TMEM47: variants seen among roughly 807,000 people sequenced by gnomAD.
The protein encoded by TMEM47 is transmembrane protein 47.
A neutral mutation model predicts 12.4 loss-of-function variants in TMEM47; 3 were observed. The observed-to-expected ratio is 0.24, with a 90% CI of 0.11 to 0.63. The LOEUF (loss-of-function observed/expected upper bound fraction) is 0.63. TMEM47 is among the 20% of genes least tolerant of loss of function. TMEM47 has a pLI of 0.86. For synonymous variants in TMEM47, 62 were observed against 63.3 expected, an observed-to-expected ratio of 0.98 and a Z score of 0.10; for missense variants, 89 against 143.8, an observed-to-expected ratio of 0.62 and a Z score of 1.95.
At chrX:34,632,990 C>A (rs16991443) in intron 2 of TMEM47, among the ~76,000 whole-genome samples, 2,375 of 110,323 alleles carry the variant, frequency 0.022, 49 homozygotes, top group African/African-American at 0.069. Flanking sequence ...GGTTTCTATA[C>A]TCTGTTCACT....
At chrX:34,650,100 GGTTAAAATGTAAATTT>G (rs1304123915) in intron 1 of TMEM47, among the ~76,000 whole-genome samples, 1 of 112,018 alleles carries the variant, frequency 8.9e-6, no homozygotes, top group Non-Finnish European at 1.9e-5. Context: ...CACTAGTCAT[GGTTAAAATGTAAATTT>G]GATGGTAATA....
chrX:34,642,054 A>G (rs1304341514), intron 1 of TMEM47, among the ~76,000 whole-genome samples: 1 of 111,641 alleles, frequency 9.0e-6, no homozygotes, highest in South Asian at 3.8e-4. Flanking sequence ...ACTGGGTTTC[A>G]CCATGTTGGC....
At position 34,635,308 on chromosome X, in the gene TMEM47, G is replaced by A. The variant is rs149536447; in HGVS notation, c.367+3939C>T. ...CTCCAGCTGCTTCGAGTGACAACTG[G>A]CTTGATAATGTAACCTTTTAATGGC... On this transcript the variant is annotated intron_variant, in intron 2 of 2. Transcript: ENST00000275954. Among the ~76,000 whole-genome samples the A allele has an allele frequency of 8.1e-3, 912 of 111,953 alleles. 7 individuals carry two copies. Among genetic ancestry groups the A allele is most frequent in the African/African-American group, 0.028 (858 of 30,829 alleles).
rs1433284571 is a variant in TMEM47, at chrX:34,628,878, A to C, written c.*1435T>G. The C allele has an allele frequency of 2.7e-5, 3 of 111,959 alleles. No individual in the cohort carries two copies. The allele number at this position is 111,959 out of a possible 1,213,427, so 9.2% of individuals were successfully genotyped here. On this transcript the variant is annotated 3_prime_UTR_variant, in exon 3 of 3. Coordinates refer to ENST00000275954, the MANE Select transcript of TMEM47 (RefSeq NM_031442.4). ...TTGTATATTAAACAGAATTAACACA[A>C]GTTTGCAGCATGAGATTAGTTGCAA...
chrX:34,629,466 A>C lies in TMEM47; in HGVS notation c.*847T>G, dbSNP rs1888914208. ...AAATGTATGTGGAGGGTTAGGGAACAACTTATTACCATTTATACTAATGGT... is the reference window on the plus strand; with the variant it reads ...AAATGTATGTGGAGGGTTAGGGAACCACTTATTACCATTTATACTAATGGT... On this transcript the variant is annotated 3_prime_UTR_variant, in exon 3 of 3. Coordinates refer to ENST00000275954, the MANE Select transcript of TMEM47 (RefSeq NM_031442.4). 8.9e-6 allele frequency: 1 copy of C among 111,826 alleles called. No individual in the cohort carries two copies. The highest frequency in any genetic ancestry group is 1.9e-5 in the Non-Finnish European group (1 of 53,195). The allele number at this position is 111,826 out of a possible 1,213,427, so 9.2% of individuals were successfully genotyped here.
intron 1 of TMEM47, among the ~76,000 whole-genome samples, chrX:34,646,991 C>T (rs893678979): frequency 9.0e-6 from 1 of 111,473 alleles, no homozygotes; most frequent in African/African-American, 3.3e-5. Context: ...CTACCTTCCA[C>T]GATGCCTGGA....
At chrX:34,645,313 T>A (rs1351650422) in intron 1 of TMEM47, among the ~76,000 whole-genome samples, 1 of 111,937 alleles carries the variant, frequency 8.9e-6, no homozygotes, top group African/African-American at 3.2e-5. Context: ...CCCAACTAGC[T>A]CACTTTGTCA....
intron 1 of TMEM47, among the ~76,000 whole-genome samples, chrX:34,647,712 T>C (rs1372097845): frequency 8.9e-6 from 1 of 112,200 alleles, no homozygotes; most frequent in Admixed American, 9.5e-5. Context: ...GTGCCTTTAA[T>C]GTGTGAGGTT....
At chrX:34,647,044 C>T (rs940538385) in intron 1 of TMEM47, among the ~76,000 whole-genome samples, 2 of 111,334 alleles carry the variant, frequency 1.8e-5, no homozygotes, top group Non-Finnish European at 3.8e-5. Context: ...TAATGTCTAC[C>T]CTCTGCTAGA....
chrX:34,636,474 A>G (rs1206093862), intron 2 of TMEM47, among the ~76,000 whole-genome samples: 2 of 111,935 alleles, frequency 1.8e-5, no homozygotes, highest in African/African-American at 6.5e-5. Context: ...GAAAGAAAAC[A>G]CTCATCCTAT....
chrX:34,657,093 G>A lies in TMEM47; in HGVS notation c.-64C>T. ...GACGCCAGGCGGGTCCGGAGAGCCGGGAGCCGGACCTCCCGAAGGGAGAAG... is the reference window on the plus strand; with the variant it reads ...GACGCCAGGCGGGTCCGGAGAGCCGAGAGCCGGACCTCCCGAAGGGAGAAG... On this transcript the variant is annotated 5_prime_UTR_variant, in exon 1 of 3. Coordinates refer to ENST00000275954, the MANE Select transcript of TMEM47 (RefSeq NM_031442.4). The A allele has an allele frequency of 9.2e-7, 1 of 1,081,775 alleles. No individual in the cohort carries two copies. Among genetic ancestry groups the A allele is most frequent in the Non-Finnish European group, 1.2e-6 (1 of 835,358 alleles). The allele number at this position is 1,081,775 out of a possible 1,213,427, so 89.2% of individuals were successfully genotyped here.
At chrX:34,648,876 C>T (rs1031552151) in intron 1 of TMEM47, among the ~76,000 whole-genome samples, 9 of 111,488 alleles carry the variant, frequency 8.1e-5, no homozygotes, top group African/African-American at 2.6e-4. Context: ...CCATTAAGAA[C>T]GGGCAAATGA....
chrX:34,639,278 A>G lies in TMEM47; in HGVS notation c.336T>C (p.Tyr112=). ...CAAAAAGCATGACCGCAACAGGTCTATAGAAACGCCTTCGAGATCCCACGC... is the reference window on the plus strand; with the variant it reads ...CAAAAAGCATGACCGCAACAGGTCTGTAGAAACGCCTTCGAGATCCCACGC... ...SICVGSRRRF[Y]RPVAVMLFAA... The change falls in exon 2 of 3, where the codon TAT becomes TAC. Residue 112 remains tyrosine, a synonymous_variant. Transcript: ENST00000275954. 6 of 1,200,136 alleles carry G rather than the reference A, an allele frequency of 5.0e-6. No individual in the cohort carries two copies. Among genetic ancestry groups the G allele is most frequent in the Non-Finnish European group, 6.7e-6 (6 of 889,291 alleles).
rs1468710583 is a variant in TMEM47, at chrX:34,657,176, G to C, written c.-147C>G. 1.1e-6 allele frequency: 1 copy of C among 934,587 alleles called. No homozygotes were observed. The highest frequency in any genetic ancestry group is 1.3e-6 in the Non-Finnish European group (1 of 742,052). The allele number at this position is 934,587 out of a possible 1,213,427, so 77.0% of individuals were successfully genotyped here. ...CTCGGGGCTCTGCGCGCCCCCTGCC[G>C]CGCGGCCAAGGTGGGTCTGCGGAGG... On this transcript the variant is annotated 5_prime_UTR_variant, in exon 1 of 3. Transcript: ENST00000275954.
intron 1 of TMEM47, among the ~76,000 whole-genome samples, chrX:34,647,353 G>T (rs1218102702): frequency 9.0e-6 from 1 of 111,315 alleles, no homozygotes; most frequent in Admixed American, 9.6e-5. Context: ...TTTTAACATG[G>T]TTTTGCCTAA....
Position 34,627,768 on chromosome X carries a change from G to T in TMEM47, c.*2545C>A, listed in dbSNP as rs1921534790. ...GTTTGTGGCTAAAAATTATGCTTAA[G>T]AACACATCTAACAAACCTAAAGCTG... On this transcript the variant is annotated 3_prime_UTR_variant, in exon 3 of 3. Coordinates refer to ENST00000275954, the MANE Select transcript of TMEM47 (RefSeq NM_031442.4). 8.9e-6 allele frequency: 1 copy of T among 111,734 alleles called. No individual in the cohort carries two copies. The allele number at this position is 111,734 out of a possible 1,213,427, so 9.2% of individuals were successfully genotyped here. A position where few individuals can be genotyped will look rare whatever the true frequency, so the allele number is the denominator to read the frequency against.
intron 1 of TMEM47, among the ~76,000 whole-genome samples, 176 bp downstream of exon 1, chrX:34,656,628 A>T (rs1922112898): frequency 9.3e-6 from 1 of 107,287 alleles, no homozygotes; most frequent in South Asian, 4.3e-4. Context: ...GGGAGGGAAG[A>T]GGGGTGGATG....
rs763611302 is a variant in TMEM47 at position 34,655,435 on chromosome X, ACCT to A, written c.226+1366_226+1368del. Among the ~76,000 whole-genome samples the A allele has an allele frequency of 6.3e-5, 7 of 111,799 alleles. No homozygotes were observed. The East Asian group carries it at 2.0e-3, about 31-fold the overall frequency. On this transcript the variant is annotated intron_variant, in intron 1 of 2. Transcript: ENST00000275954. ...AAAGAATTGAAGGACCTAAATGTTG[ACCT>A]CCTGCTGCCAACCAGTTCCCTCCAC...
At chrX:34,638,776 CT>C (rs1569163269) in intron 2 of TMEM47, among the ~76,000 whole-genome samples, 1 of 111,769 alleles carries the variant, frequency 8.9e-6, no homozygotes, top group Non-Finnish European at 1.9e-5. Context: ...ATACAATTGA[CT>C]TCATATAATT....
Sources: gnomAD v4.1 joint callset for allele counts (sites outside exome capture counted in the v4.1 genomes callset) on GRCh38, gnomAD v4.1.1 for gene constraint, MANE v1.5 for transcripts, NCBI Gene and HGNC (gene_info 2026-07-23, HGNC 2026-07-21) for gene names.